Variants in GPC5 observed in about 807,000 individuals in gnomAD.
GPC5 encodes glypican 5, also known as glypican-5.
GPC5 carries 47 observed loss-of-function variants against 53.9 expected under a neutral mutation model. The observed-to-expected ratio is 0.87, with a 90% CI of 0.69 to 1.11. The LOEUF is 1.11. Ranked by LOEUF, GPC5 falls within the 50% of genes most tolerant of loss-of-function variation. GPC5 has a pLI of 0.00. For synonymous variants in GPC5, 286 were observed against 263.3 expected (o/e 1.09, Z -0.84); for missense variants, 748 against 713.1 (o/e 1.05, Z -0.56).
intron 3 of GPC5, among the ~76,000 whole-genome samples, chr13:91,720,733 C>T (rs1195248406): frequency 6.6e-6 from 1 of 152,140 alleles, no homozygotes; most frequent in African/African-American, 2.4e-5. Flanking sequence ...TAATTTCTTC[C>T]CAAATCTCTT....
intron 7 of GPC5, among the ~76,000 whole-genome samples, chr13:92,744,806 A>C (rs1566397075): frequency 6.6e-6 from 1 of 152,042 alleles, no homozygotes; most frequent in Non-Finnish European, 1.5e-5. Flanking sequence ...GTTAGATGAA[A>C]ATATAGTGTA....
At chr13:91,922,733 C>T (rs996083756) in intron 6 of GPC5, among the ~76,000 whole-genome samples, 1 of 152,178 alleles carries the variant, frequency 6.6e-6, no homozygotes, top group African/African-American at 2.4e-5. Context: ...CTACAGTCAA[C>T]TTTCTTTGTT....
chr13:91,461,021 A>G (rs1463351427), intron 2 of GPC5, among the ~76,000 whole-genome samples: 1 of 152,164 alleles, frequency 6.6e-6, no homozygotes, highest in Non-Finnish European at 1.5e-5. Flanking sequence ...TATAGCTTTT[A>G]TGCAGAAGGC....
rs4773663 is a variant in GPC5 at position 92,087,589 on chromosome 13, A to G, written c.1402-57241A>G. Among the ~76,000 whole-genome samples the G allele has an allele frequency of 5.2e-3, 796 of 152,310 alleles. 5 individuals carry two copies. Among genetic ancestry groups the G allele is most frequent in the Middle Eastern group, 0.014 (4 of 294 alleles). ...CATAAAGTATCATTTACCTTTATGT[A>G]GCCAGTCCCACCCTCCTATAAACTT... On this transcript the variant is annotated intron_variant, in intron 6 of 7. Coordinates refer to ENST00000377067, the MANE Select transcript of GPC5 (RefSeq NM_004466.6).
chr13:91,603,048 G>GGTTTCTAA (rs2033231138), intron 2 of GPC5, among the ~76,000 whole-genome samples: 3 of 152,200 alleles, frequency 2.0e-5, no homozygotes, highest in Non-Finnish European at 4.4e-5. Context: ...ATTTTGGCAT[G>GGTTTCTAA]ACTGGGGTAG....
Position 91,440,422 on chromosome 13 carries a change from T to C in GPC5, c.164-8339T>C, listed in dbSNP as rs556516326. ...CTCATACAGTGAATTTTTTATTTCA[T>C]ATATAATATTTTTCAGTTACAGAAT... On this transcript the variant is annotated intron_variant, in intron 1 of 7. Transcript: ENST00000377067. Among the ~76,000 whole-genome samples the C allele has an allele frequency of 2.0e-5, 3 of 152,342 alleles. No individual in the cohort carries two copies. The East Asian group carries it at 5.8e-4, about 29-fold the overall frequency.
At chr13:91,459,202 C>A (rs1327417382) in intron 2 of GPC5, among the ~76,000 whole-genome samples, 3 of 151,624 alleles carry the variant, frequency 2.0e-5, no homozygotes, top group Non-Finnish European at 4.4e-5. Flanking sequence ...ACCCCAAAAA[C>A]CTATTGAAAT....
rs778387118 is a variant in GPC5 at position 91,693,633 on chromosome 13, T to C, written c.772T>C (p.Cys258Arg). The stretch of plus-strand genomic sequence containing the variant: ...CAGAGCCCTCCTGAAGATGCAATAC[T>C]GCCCGCACTGCCAAGGCCTGGCGCT... ...CSRALLKMQY[C>R]PHCQGLALTK... The change falls in exon 3 of 8, where the codon TGC (cysteine) becomes CGC (arginine). Residue 258 changes from cysteine (C) to arginine (R), a missense_variant. Transcript: ENST00000377067. 2.5e-6 allele frequency: 4 copies of C among 1,614,122 alleles called. 1 individual carries two copies. In the South Asian group the frequency reaches 4.4e-5, roughly 18 times the overall value.
At chr13:91,870,444 G>A (rs186140001) in intron 5 of GPC5, among the ~76,000 whole-genome samples, 10 of 152,130 alleles carry the variant, frequency 6.6e-5, no homozygotes, top group Admixed American at 3.9e-4. Context: ...TGAAATGATC[G>A]GAATACTTCA....
At chr13:92,677,374 C>A (rs1403276939) in intron 7 of GPC5, among the ~76,000 whole-genome samples, 1 of 152,138 alleles carries the variant, frequency 6.6e-6, no homozygotes, top group Non-Finnish European at 1.5e-5. Flanking sequence ...GTTGAGGCAG[C>A]AGACTAGGCA....
chr13:92,752,387 G>A (rs1225750558), intron 7 of GPC5, among the ~76,000 whole-genome samples: 1 of 152,170 alleles, frequency 6.6e-6, no homozygotes, highest in Non-Finnish European at 1.5e-5. Flanking sequence ...TTTTCCCATT[G>A]CTTGTAGAGA....
At chr13:92,401,854 A>G (rs1308281591) in intron 7 of GPC5, among the ~76,000 whole-genome samples, 1 of 152,108 alleles carries the variant, frequency 6.6e-6, no homozygotes, top group African/African-American at 2.4e-5. Context: ...CTTTGCTCCA[A>G]TGCTCGGTTG....
At chr13:92,468,589 C>T (rs1878791552) in intron 7 of GPC5, among the ~76,000 whole-genome samples, 1 of 152,070 alleles carries the variant, frequency 6.6e-6, no homozygotes, top group Non-Finnish European at 1.5e-5. Context: ...TTTGTATTTA[C>T]ATAAGCAAAA....
chr13:92,653,271 G>A (rs1325390821), intron 7 of GPC5, among the ~76,000 whole-genome samples: 1 of 152,130 alleles, frequency 6.6e-6, no homozygotes, highest in East Asian at 1.9e-4. Flanking sequence ...ATTGGTTGAT[G>A]GCTGCTTTGG....
chr13:92,585,028 G>C (rs138663572), intron 7 of GPC5, among the ~76,000 whole-genome samples: 8 of 152,004 alleles, frequency 5.3e-5, no homozygotes, highest in Admixed American at 2.0e-4. Flanking sequence ...GGTAAGGGGG[G>C]GCTCATGGAG....
At position 92,677,672 on chromosome 13, in the gene GPC5, G is replaced by T. The variant is rs139011312; in HGVS notation, c.1562-188610G>T. Reference sequence around the variant, plus strand: ...CATGAAGAAAGAAATCAGAACAGACGTGCAGAGGCAAAAGTAGTCATGGTC... The same window carrying T: ...CATGAAGAAAGAAATCAGAACAGACTTGCAGAGGCAAAAGTAGTCATGGTC... On this transcript the variant is annotated intron_variant, in intron 7 of 7. Coordinates refer to ENST00000377067, the MANE Select transcript of GPC5 (RefSeq NM_004466.6). Among the ~76,000 whole-genome samples, 718 of 152,280 alleles carry T rather than the reference G, an allele frequency of 4.7e-3. 3 individuals are homozygous for T. The highest frequency in any genetic ancestry group is 0.034 in the Middle Eastern group (10 of 294).
chr13:92,415,592 T>C (rs1281838551), intron 7 of GPC5, among the ~76,000 whole-genome samples: 1 of 151,924 alleles, frequency 6.6e-6, no homozygotes, highest in East Asian at 1.9e-4. Context: ...GCTTGAAGTG[T>C]CTGTGGGATA....
chr13:91,488,150 T>C (rs989657812), intron 2 of GPC5, among the ~76,000 whole-genome samples: 1 of 152,178 alleles, frequency 6.6e-6, no homozygotes, highest in African/African-American at 2.4e-5. Flanking sequence ...GTTTCTATTA[T>C]GGCATATATG....
At chr13:91,598,526 G>A (rs2033073534) in intron 2 of GPC5, among the ~76,000 whole-genome samples, 1 of 151,786 alleles carries the variant, frequency 6.6e-6, no homozygotes, top group South Asian at 2.1e-4. Context: ...TTCTTTCTTT[G>A]CCAATCACTG....
Sources: gnomAD v4.1 joint callset for allele counts (sites outside exome capture counted in the v4.1 genomes callset) on GRCh38, gnomAD v4.1.1 for gene constraint, MANE v1.5 for transcripts, NCBI Gene and HGNC (gene_info 2026-07-23, HGNC 2026-07-21) for gene names.